Variants in CC2D2A observed in about 807,000 individuals in gnomAD.
CC2D2A encodes the protein coiled-coil and C2 domain containing 2A, also known as coiled-coil and C2 domain-containing protein 2A.
CC2D2A carries 155 observed loss-of-function variants against 212.9 expected under a neutral mutation model. The observed-to-expected ratio is 0.73, with a 90% confidence interval of 0.64 to 0.83. The LOEUF (loss-of-function observed/expected upper bound fraction) is 0.83, where lower values mean the gene tolerates loss of function less well. Ranked by LOEUF, CC2D2A falls within the 40% of genes least tolerant of loss-of-function variation. The pLI, the probability that CC2D2A is intolerant of heterozygous loss-of-function variation, is 0.00. For missense variants in CC2D2A, 1,856 were observed against 1,956.2 expected, an observed-to-expected ratio of 0.95 and a Z score of 0.97; for synonymous variants, 667 against 686.5, an observed-to-expected ratio of 0.97 and a Z score of 0.44.
intron 8 of CC2D2A, 29 bp from the exon 9 acceptor site, chr4:15,514,678 T>G (rs1716758382): frequency 6.9e-7 from 1 of 1,456,960 alleles, no homozygotes; most frequent in African/African-American, 1.4e-5. Context: ...TAGCATGATT[T>G]TTTCTTGTTA....
chr4:15,562,245 A>G (rs1468310457), intron 23 of CC2D2A, among the ~76,000 whole-genome samples: 2 of 152,246 alleles, frequency 1.3e-5, no homozygotes, highest in African/African-American at 4.8e-5. Context: ...TCACTTAGCC[A>G]GCTCTGATCC....
intron 4 of CC2D2A, among the ~76,000 whole-genome samples, chr4:15,492,484 C>G (rs1163091487): frequency 6.6e-5 from 10 of 150,620 alleles, no homozygotes; most frequent in African/African-American, 2.5e-4. Context: ...AGAGTTAATG[C>G]CAAATTCTTT....
intron 11 of CC2D2A, among the ~76,000 whole-genome samples, chr4:15,521,410 C>T (rs191166798): frequency 4.5e-4 from 68 of 151,982 alleles, no homozygotes; most frequent in Non-Finnish European, 1.5e-4. Context: ...TAACCTTTTC[C>T]TTCATTTATT....
intron 2 of CC2D2A, among the ~76,000 whole-genome samples, chr4:15,477,451 TTACGTTC>T (rs1714300237): frequency 6.6e-6 from 1 of 152,214 alleles, no homozygotes; most frequent in African/African-American, 2.4e-5. Flanking sequence ...CTCATGGAAC[TTACGTTC>T]TATCTTATTT....
intron 33 of CC2D2A, among the ~76,000 whole-genome samples, chr4:15,595,663 G>C (rs1393238827): frequency 6.6e-6 from 1 of 152,232 alleles, no homozygotes; most frequent in East Asian, 1.9e-4. Context: ...ATGCTACGCT[G>C]CCTCACCAAC....
intron 4 of CC2D2A, among the ~76,000 whole-genome samples, chr4:15,491,001 T>C (rs1715275812): frequency 6.6e-6 from 1 of 152,076 alleles, no homozygotes; most frequent in African/African-American, 2.4e-5. Context: ...AATTGCTCAC[T>C]CGGGGAGCTC....
intron 16 of CC2D2A, among the ~76,000 whole-genome samples, chr4:15,540,356 C>G (rs907092940): frequency 1.3e-5 from 2 of 151,900 alleles, no homozygotes; most frequent in South Asian, 4.2e-4. Context: ...TACTCTGCAT[C>G]CATTGAACAT....
Position 15,599,554 on chromosome 4 carries a change from A to C in CC2D2A, c.4522A>C (p.Ile1508Leu), listed in dbSNP as rs1721482881. 1 of 1,576,116 alleles carries C rather than the reference A, an allele frequency of 6.3e-7. No homozygotes were observed. The highest frequency in any genetic ancestry group is 8.6e-7 in the Non-Finnish European group (1 of 1,156,782). Reference sequence around the variant, plus strand: ...GATTGAAAAAATACTAAAAGAAAAAATCATGGACTGGAGGCCACGCCATCT... The same window carrying C: ...GATTGAAAAAATACTAAAAGAAAAACTCATGGACTGGAGGCCACGCCATCT... ...DRIEKILKEK[I>L]MDWRPRHLTR... The change falls in exon 36 of 37, where the codon ATC becomes CTC. Residue 1508 changes from isoleucine (I) to leucine (L), a missense_variant. Physicochemically the swap from Ile to Leu is conservative, Grantham distance 5 (BLOSUM62 2). Transcript: ENST00000424120.
chr4:15,526,200 G>A (rs1268356260), intron 11 of CC2D2A, among the ~76,000 whole-genome samples: 1 of 152,162 alleles, frequency 6.6e-6, no homozygotes, highest in South Asian at 2.1e-4. Context: ...GTATCACACT[G>A]TAGACATCCA....
At chr4:15,522,816 G>A (rs1244319057) in intron 11 of CC2D2A, among the ~76,000 whole-genome samples, 2 of 152,000 alleles carry the variant, frequency 1.3e-5, no homozygotes, top group East Asian at 3.9e-4. Flanking sequence ...AGCAAAGTAG[G>A]GTTAAAGTTG....
chr4:15,578,281 T>C (rs1720495673), intron 29 of CC2D2A, among the ~76,000 whole-genome samples: 1 of 152,218 alleles, frequency 6.6e-6, no homozygotes, highest in Non-Finnish European at 1.5e-5. Context: ...TCTGGAGATA[T>C]CTCCATCCTA....
At chr4:15,596,434 T>G (rs1721328532) in intron 34 of CC2D2A, among the ~76,000 whole-genome samples, 1 of 150,444 alleles carries the variant, frequency 6.6e-6, no homozygotes, top group African/African-American at 2.4e-5. Flanking sequence ...GATATAAAGT[T>G]TCATGACATA....
intron 28 of CC2D2A, among the ~76,000 whole-genome samples, chr4:15,573,613 T>C (rs1232209954): frequency 2.0e-5 from 3 of 152,198 alleles, no homozygotes; most frequent in African/African-American, 7.2e-5. Flanking sequence ...TATACTCTTG[T>C]TTTCCTGTAT....
At chr4:15,480,432 C>T (rs1444098599) in intron 3 of CC2D2A, among the ~76,000 whole-genome samples, 1 of 152,154 alleles carries the variant, frequency 6.6e-6, no homozygotes, top group Admixed American at 6.5e-5. Flanking sequence ...CAAATTCCTG[C>T]AGAGCTCTAC....
At chr4:15,565,753 T>C (rs1719851577) in intron 24 of CC2D2A, among the ~76,000 whole-genome samples, 1 of 152,026 alleles carries the variant, frequency 6.6e-6, no homozygotes, top group Non-Finnish European at 1.5e-5. Flanking sequence ...AGACTACAGG[T>C]ACACACCACC....
chr4:15,508,138 A>G (rs1319735188), intron 6 of CC2D2A, among the ~76,000 whole-genome samples: 1 of 152,180 alleles, frequency 6.6e-6, no homozygotes, highest in African/African-American at 2.4e-5. Context: ...TTAGACAAAT[A>G]TTCCCCTCTT....
In CC2D2A at chr4:15,557,446, A is replaced by C; in HGVS notation, c.2768A>C (p.Glu923Ala). ...CATCTTAGAAGCCAAGAGGTGCCAGAATTCCGAAATTATAAGCAAGTTCCA... is the reference window on the plus strand; with the variant it reads ...CATCTTAGAAGCCAAGAGGTGCCAGCATTCCGAAATTATAAGCAAGTTCCA... ...LLHLRSQEVP[E>A]FRNYKQVPVY... Residue 923 changes from glutamate to alanine, a missense_variant, in exon 21 of 37, where the codon GAA (glutamate) becomes GCA (alanine). Around this residue, in one of 5 missense-constraint regions of CC2D2A, gnomAD observed 1,512 missense variants for 1,579.3 expected, o/e 0.96. Coordinates refer to ENST00000424120, the MANE Select transcript of CC2D2A (RefSeq NM_001378615.1). 1 of 1,613,066 alleles carries C rather than the reference A, an allele frequency of 6.2e-7. No homozygotes were observed. The highest frequency in any genetic ancestry group is 8.5e-7 in the Non-Finnish European group (1 of 1,179,542).
At chr4:15,571,597 C>A (rs1720170464) in intron 28 of CC2D2A, among the ~76,000 whole-genome samples, 1 of 108,562 alleles carries the variant, frequency 9.2e-6, no homozygotes, top group African/African-American at 3.3e-5. Context: ...AGCGAGACTC[C>A]GTTTAAACCA....
intron 4 of CC2D2A, 62 bp downstream of exon 4, chr4:15,480,889 A>G: frequency 1.3e-6 from 2 of 1,557,416 alleles, no homozygotes; most frequent in Non-Finnish European, 1.7e-6. Context: ...CTCAGCACAG[A>G]GCAGTATAGG....
Sources: allele counts gnomAD v4.1 joint callset (sites outside exome capture counted in the v4.1 genomes callset), GRCh38; gene constraint gnomAD v4.1.1; regional missense constraint gnomAD v4.1.1; transcripts MANE v1.5; gene names NCBI Gene and HGNC (gene_info 2026-07-23, HGNC 2026-07-21).